ADAMTS20: variants seen among roughly 807,000 people sequenced by gnomAD.
The protein encoded by ADAMTS20 is ADAM metallopeptidase with thrombospondin type 1 motif 20.
Under a neutral mutation model 260.1 loss-of-function variants are expected in ADAMTS20, and 225 were observed. The ratio of observed to expected loss-of-function variants is 0.87; its 90% confidence interval spans 0.78 to 0.97. The LOEUF is 0.97. ADAMTS20 is among the 50% of genes least tolerant of loss of function. The pLI is 0.00. For missense variants in ADAMTS20, 2,400 were observed against 2,337.7 expected (o/e 1.03, Z -0.55); for synonymous variants, 802 against 769.5 (o/e 1.04, Z -0.70).
At chr12:43,463,027 C>T (rs1942092445) in intron 10 of ADAMTS20, 28 bp from the exon 11 acceptor site, 2 of 1,527,850 alleles carry the variant, frequency 1.3e-6, no homozygotes, top group South Asian at 2.4e-5. Context: ...GCAGGCAAGC[C>T]AGTGTAAAGA....
intron 37 of ADAMTS20, among the ~76,000 whole-genome samples, chr12:43,367,545 A>G (rs1940014079): frequency 6.6e-6 from 1 of 151,982 alleles, no homozygotes; most frequent in African/African-American, 2.4e-5. Flanking sequence ...CATCTAGAAA[A>G]TACTCCTAGC....
rs764082250 is a variant in ADAMTS20 at position 43,376,672 on chromosome 12, T to G, written c.4996-19A>C. On this transcript the variant is annotated intron_variant, in intron 32 of 38. Transcript: ENST00000389420. ...CTGAGCACTGTGAAAAGAGTAAAATTTGAAGGCAAACTATATTATGAATCT... is the reference window on the plus strand; with the variant it reads ...CTGAGCACTGTGAAAAGAGTAAAATGTGAAGGCAAACTATATTATGAATCT... 6.3e-6 allele frequency: 10 copies of G among 1,590,906 alleles called. No homozygotes were observed. The highest frequency in any genetic ancestry group is 4.6e-5 in the South Asian group (4 of 86,326).
rs275601 is a variant in ADAMTS20 at position 43,551,562 on chromosome 12, C to G, written c.91+269G>C. Among the ~76,000 whole-genome samples, 143,137 of 152,212 alleles carry G rather than the reference C, an allele frequency of 0.94. 67,721 individuals carry two copies. The highest frequency in any genetic ancestry group is 0.99 in the East Asian group (5,102 of 5,134). ...AGTACCTCCTAACCTCCCCGCAGCC[C>G]CCAACTCGTTCCCTCCGGGTGCAAG... On this transcript the variant is annotated intron_variant, in intron 1 of 38. Coordinates refer to ENST00000389420, the MANE Select transcript of ADAMTS20 (RefSeq NM_025003.5). The surrounding 1 kb of genome is among the most constrained non-coding windows in gnomAD (Gnocchi z 4.6).
Position 43,432,472 on chromosome 12 carries a change from A to AT in ADAMTS20, c.2932-5dup, listed in dbSNP as rs1365291582. ...CTCCTCCACAACTCCTGGAACACTG[A>AT]TTAAAAAAAAAAAAGTGGTAACTAA... is the stretch of plus-strand genomic sequence containing the variant. On this transcript the variant is annotated splice_region_variant and splice_polypyrimidine_tract_variant and intron_variant, in intron 20 of 38. Transcript: ENST00000389420. The AT allele has an allele frequency of 3.2e-6, 5 of 1,586,242 alleles. No individual in the cohort carries two copies. Among genetic ancestry groups the AT allele is most frequent in the East Asian group, 2.3e-5 (1 of 42,920 alleles).
chr12:43,507,565 C>A (rs1038995550), intron 3 of ADAMTS20, among the ~76,000 whole-genome samples: 2 of 152,096 alleles, frequency 1.3e-5, no homozygotes, highest in Non-Finnish European at 2.9e-5. Context: ...GTCTGTCTGG[C>A]CTAAGTGCTA....
At chr12:43,394,909 T>C (rs962288040) in intron 29 of ADAMTS20, among the ~76,000 whole-genome samples, 11 of 152,096 alleles carry the variant, frequency 7.2e-5, no homozygotes, top group Admixed American at 6.6e-5. Flanking sequence ...TTGTGGGGAA[T>C]AAAAACTCTT....
At chr12:43,487,166 C>G (rs7978592) in intron 7 of ADAMTS20, among the ~76,000 whole-genome samples, 105,974 of 151,972 alleles carry the variant, frequency 0.7, 37,316 homozygotes, top group East Asian at 1. Context: ...AAATACCTAA[C>G]TATCCATCAA....
At chr12:43,363,309 T>C (rs1939914196) in intron 37 of ADAMTS20, among the ~76,000 whole-genome samples, 1 of 152,158 alleles carries the variant, frequency 6.6e-6, no homozygotes. Flanking sequence ...AGTTGTATTA[T>C]AGGCAAGAGT....
intron 7 of ADAMTS20, among the ~76,000 whole-genome samples, chr12:43,472,829 G>T (rs1332633342): frequency 1.3e-5 from 2 of 150,888 alleles, no homozygotes; most frequent in African/African-American, 4.9e-5. Flanking sequence ...AAGAGCTCCT[G>T]AAGGAAGCGC....
intron 28 of ADAMTS20, among the ~76,000 whole-genome samples, chr12:43,413,174 AAC>A (rs1391970905): frequency 6.6e-6 from 1 of 152,186 alleles, no homozygotes; most frequent in Admixed American, 6.5e-5. Flanking sequence ...TCCTAAAAAG[AAC>A]AGTCACATCA....
At position 43,432,396 on chromosome 12, in the gene ADAMTS20, C is replaced by T. The variant is rs1378088946; in HGVS notation, c.3004G>A (p.Ala1002Thr). ...GACAGTTCTTGGCATTCATTGTCAG[C>T]AAGACGATGGCCAAAGTTATTCATA... ...YCMNNFGHRL[A>T]DNECQELSRV... The change falls in exon 21 of 39, where the codon GCT becomes ACT. Residue 1002 changes from alanine to threonine, a missense_variant. Transcript: ENST00000389420. The T allele has an allele frequency of 1.2e-6, 2 of 1,613,512 alleles. No individual in the cohort carries two copies. The highest frequency in any genetic ancestry group is 4.5e-5 in the East Asian group (2 of 44,852).
chr12:43,530,328 T>C lies in ADAMTS20; in HGVS notation c.613+1708A>G, dbSNP rs118038259. On this transcript the variant is annotated intron_variant, in intron 3 of 38. Coordinates refer to ENST00000389420, the MANE Select transcript of ADAMTS20 (RefSeq NM_025003.5). ...CATTAAACAAGCTGCTCTTGAATAGTAGATCAGAACAAGCATAAGCTGCCT... is the reference window on the plus strand; with the variant it reads ...CATTAAACAAGCTGCTCTTGAATAGCAGATCAGAACAAGCATAAGCTGCCT... Among the ~76,000 whole-genome samples the C allele has an allele frequency of 9.9e-3, 1,511 of 152,310 alleles. 14 individuals are homozygous for C. The highest frequency in any genetic ancestry group is 0.037 in the Middle Eastern group (11 of 294).
intron 3 of ADAMTS20, among the ~76,000 whole-genome samples, chr12:43,516,791 T>TAA (rs1440005685): frequency 3.3e-5 from 5 of 151,370 alleles, no homozygotes; most frequent in Non-Finnish European, 7.4e-5. Flanking sequence ...AAAGTATAAT[T>TAA]AAAAAAAAGA....
At chr12:43,393,490 A>T (rs904569980) in intron 29 of ADAMTS20, among the ~76,000 whole-genome samples, 1 of 152,086 alleles carries the variant, frequency 6.6e-6, no homozygotes, top group African/African-American at 2.4e-5. Flanking sequence ...TAGCGAATCC[A>T]CAGGTACTGT....
intron 22 of ADAMTS20, among the ~76,000 whole-genome samples, chr12:43,430,751 A>T (rs2137306035): frequency 6.6e-6 from 1 of 152,336 alleles, no homozygotes; most frequent in African/African-American, 2.4e-5. Context: ...TATTTTAGAA[A>T]GCAGTCAATA....
At chr12:43,545,273 A>G (rs1943427840) in intron 2 of ADAMTS20, among the ~76,000 whole-genome samples, 1 of 152,174 alleles carries the variant, frequency 6.6e-6, no homozygotes, top group Non-Finnish European at 1.5e-5. Context: ...TACATTGAAC[A>G]AACCTACCAC....
chr12:43,532,798 T>C (rs1943244069), intron 2 of ADAMTS20, among the ~76,000 whole-genome samples: 1 of 53,824 alleles, frequency 1.9e-5, no homozygotes, highest in Admixed American at 2.1e-4. Context: ...AGTGAGAATA[T>C]GCGGTGTTTG....
intron 18 of ADAMTS20, among the ~76,000 whole-genome samples, chr12:43,437,536 A>T (rs1315568032): frequency 1.3e-5 from 2 of 152,238 alleles, no homozygotes; most frequent in African/African-American, 2.4e-5. Context: ...CAAGCATGAC[A>T]AGCATGAAAT....
At chr12:43,438,034 T>C (rs1352776500) in intron 18 of ADAMTS20, among the ~76,000 whole-genome samples, 1 of 151,668 alleles carries the variant, frequency 6.6e-6, no homozygotes. Flanking sequence ...AAAGAGGGAA[T>C]TTAACTTTAA....
Sources: allele counts gnomAD v4.1 joint callset (sites outside exome capture counted in the v4.1 genomes callset), GRCh38; gene constraint gnomAD v4.1.1; non-coding constraint Gnocchi (gnomAD v3.1); transcripts MANE v1.5; gene names NCBI Gene and HGNC (gene_info 2026-07-23, HGNC 2026-07-21).